The following RALGPS2 variants were observed in gnomAD, a reference collection of about 807,000 sequenced individuals.
RALGPS2 encodes ras-specific guanine nucleotide-releasing factor RalGPS2.
RALGPS2 carries 43 observed loss-of-function variants against 86.8 expected under a neutral mutation model. The observed-to-expected ratio is 0.50, with a 90% confidence interval of 0.39 to 0.64. RALGPS2 has a LOEUF of 0.64. RALGPS2 is among the 30% of genes least tolerant of loss of function. The pLI is 0.00. For synonymous variants in RALGPS2, 243 were observed against 231.3 expected, an observed-to-expected ratio of 1.05 and a Z score of -0.46; for missense variants, 536 against 694.6, an observed-to-expected ratio of 0.77 and a Z score of 2.57.
At chr1:178,782,744 G>A (rs963172920) in intron 2 of RALGPS2, among the ~76,000 whole-genome samples, 1 of 151,982 alleles carries the variant, frequency 6.6e-6, no homozygotes, top group African/African-American at 2.4e-5. Flanking sequence ...GCAAGGCTCA[G>A]ACTGTAAGAA....
At chr1:178,794,630 T>G (rs1654105799) in intron 4 of RALGPS2, among the ~76,000 whole-genome samples, 1 of 152,172 alleles carries the variant, frequency 6.6e-6, no homozygotes, top group South Asian at 2.1e-4. Flanking sequence ...TTGATTACAC[T>G]AATAGGGTTT....
At chr1:178,790,492 C>T (rs1430440972) in intron 4 of RALGPS2, among the ~76,000 whole-genome samples, 2 of 152,194 alleles carry the variant, frequency 1.3e-5, no homozygotes, top group African/African-American at 4.8e-5. Flanking sequence ...CTGTATCATT[C>T]CTGTCTATTT....
intron 1 of RALGPS2, among the ~76,000 whole-genome samples, chr1:178,760,999 G>A: frequency 7.1e-6 from 1 of 140,296 alleles, no homozygotes; most frequent in South Asian, 2.2e-4. Context: ...TTTTTTTTGA[G>A]AGTCTTGCTG....
intron 1 of RALGPS2, among the ~76,000 whole-genome samples, chr1:178,748,282 T>C (rs909255991): frequency 1.3e-5 from 2 of 148,234 alleles, no homozygotes; most frequent in Non-Finnish European, 3.0e-5. Context: ...ATTGTGCCAC[T>C]GCACTCCAGC....
intron 19 of RALGPS2, among the ~76,000 whole-genome samples, chr1:178,913,669 G>T (rs907665590): frequency 2.0e-5 from 3 of 152,130 alleles, no homozygotes; most frequent in African/African-American, 2.4e-5. Flanking sequence ...TTATGTTTTT[G>T]ATTTCCCTTC....
intron 13 of RALGPS2, among the ~76,000 whole-genome samples, chr1:178,887,281 C>T (rs550019991): frequency 1.4e-4 from 21 of 152,148 alleles, no homozygotes; most frequent in African/African-American, 4.8e-4. Context: ...GGCAAAACCC[C>T]ATCTCTACTA....
At chr1:178,734,734 C>T (rs1650576864) in intron 1 of RALGPS2, among the ~76,000 whole-genome samples, 1 of 151,940 alleles carries the variant, frequency 6.6e-6, no homozygotes, top group South Asian at 2.1e-4. Context: ...AAATGTTGCA[C>T]ACTAAATGTA....
chr1:178,837,937 C>T (rs192556246), intron 8 of RALGPS2, among the ~76,000 whole-genome samples: 7 of 152,226 alleles, frequency 4.6e-5, no homozygotes, highest in Non-Finnish European at 7.3e-5. Context: ...ATTGCTAGCA[C>T]AGCCATCTGA....
rs925619164 is a variant in RALGPS2, at chr1:178,784,571, T to C, written c.162+49T>C. The C allele has an allele frequency of 5.1e-6, 7 of 1,374,932 alleles. No individual in the cohort carries two copies. In the Admixed American group the frequency reaches 9.7e-5, roughly 19 times the overall value. The allele number at this position is 1,374,932 out of a possible 1,614,324, so 85.2% of individuals were successfully genotyped here. On this transcript the variant is annotated intron_variant, in intron 3 of 19. Transcript: ENST00000367635. The stretch of plus-strand genomic sequence containing the variant: ...TCCGGTTTTGCACATAATTTACATA[T>C]TGGTGCTATTGAGTTAGAATTTGTA...
At position 178,877,395 on chromosome 1, in the gene RALGPS2, G is replaced by A. The variant is rs556589714; in HGVS notation, c.608-103G>A. On this transcript the variant is annotated intron_variant, in intron 8 of 19. Transcript: ENST00000367635. ...AATAGCAATATATTTTAAATGTAGCGTACAGTGGAATATATCTATAAACAA... is the reference window on the plus strand; with the variant it reads ...AATAGCAATATATTTTAAATGTAGCATACAGTGGAATATATCTATAAACAA... 1.0e-4 allele frequency: 153 copies of A among 1,485,132 alleles called. 1 individual carries two copies. Among genetic ancestry groups the A allele is most frequent in the South Asian group, 9.7e-4 (73 of 75,336 alleles). The allele number at this position is 1,485,132 out of a possible 1,614,324, so 92.0% of individuals were successfully genotyped here.
chr1:178,825,716 TTAAAA>T (rs780294332), intron 7 of RALGPS2, among the ~76,000 whole-genome samples: 4 of 152,206 alleles, frequency 2.6e-5, no homozygotes, highest in Non-Finnish European at 5.9e-5. Context: ...ATTTAAATCA[TTAAAA>T]TAAAATAAAA....
chr1:178,786,791 A>G (rs576691914), intron 4 of RALGPS2, among the ~76,000 whole-genome samples: 2 of 152,188 alleles, frequency 1.3e-5, no homozygotes, highest in African/African-American at 4.8e-5. Context: ...TCATTGTGCT[A>G]TATACAAGTC....
intron 1 of RALGPS2, among the ~76,000 whole-genome samples, chr1:178,755,073 T>G (rs1651882159): frequency 6.6e-6 from 1 of 152,248 alleles, no homozygotes; most frequent in African/African-American, 2.4e-5. Context: ...GTGCTGAGAT[T>G]ACAGGCATGA....
intron 6 of RALGPS2, among the ~76,000 whole-genome samples, chr1:178,812,610 G>T (rs538472569): frequency 6.6e-6 from 1 of 152,168 alleles, no homozygotes; most frequent in Non-Finnish European, 1.5e-5. Context: ...ATATTTTAGG[G>T]TAATATATTT....
At chr1:178,909,291 A>C (rs1660512359) in intron 19 of RALGPS2, among the ~76,000 whole-genome samples, 1 of 152,180 alleles carries the variant, frequency 6.6e-6, no homozygotes, top group South Asian at 2.1e-4. Flanking sequence ...TTTTTGTACC[A>C]GTACCATGCT....
intron 4 of RALGPS2, among the ~76,000 whole-genome samples, chr1:178,807,721 C>CT (rs1394603991): frequency 6.6e-6 from 1 of 152,086 alleles, no homozygotes; most frequent in Admixed American, 6.6e-5. Flanking sequence ...ACTGAATAGT[C>CT]TTCACTGTAT....
Position 178,728,885 on chromosome 1 carries a change from T to G in RALGPS2, c.-84+3466T>G, listed in dbSNP as rs538307346. ...AAATGTGTTACATTTACCTATTCTA[T>G]GGAAAGAAAAAAGTTTGAATATAAA... On this transcript the variant is annotated intron_variant, in intron 1 of 19. Coordinates refer to ENST00000367635, the MANE Select transcript of RALGPS2 (RefSeq NM_152663.5). Among the ~76,000 whole-genome samples, 3 of 152,300 alleles carry G rather than the reference T, an allele frequency of 2.0e-5. No individual in the cohort carries two copies. In the South Asian group the frequency reaches 6.2e-4, roughly 32 times the overall value.
At position 178,739,935 on chromosome 1, in the gene RALGPS2, T is replaced by C. The variant is rs149603974; in HGVS notation, c.-84+14516T>C. On this transcript the variant is annotated intron_variant, in intron 1 of 19. Coordinates refer to ENST00000367635, the MANE Select transcript of RALGPS2 (RefSeq NM_152663.5). The stretch of plus-strand genomic sequence containing the variant: ...TCATTCCAATATGGCCTAACAGATA[T>C]AGCTATAAGGATGAATAGGGTCATT... Among the ~76,000 whole-genome samples, 514 of 152,296 alleles carry C rather than the reference T, an allele frequency of 3.4e-3. 4 individuals carry two copies. The highest frequency in any genetic ancestry group is 0.013 in the South Asian group (62 of 4,822).
At chr1:178,867,927 T>C (rs1658520331) in intron 8 of RALGPS2, among the ~76,000 whole-genome samples, 1 of 152,014 alleles carries the variant, frequency 6.6e-6, no homozygotes, top group Non-Finnish European at 1.5e-5. Context: ...TATTTTTCAA[T>C]TGAATAGTGT....
Sources: gnomAD v4.1 joint callset for allele counts (sites outside exome capture counted in the v4.1 genomes callset) on GRCh38, gnomAD v4.1.1 for gene constraint, MANE v1.5 for transcripts, NCBI Gene and HGNC (gene_info 2026-07-23, HGNC 2026-07-21) for gene names.